ZNF536: variants seen among roughly 807,000 people sequenced by gnomAD.
The protein encoded by ZNF536 is zinc finger protein 536.
Under a neutral mutation model 84.5 loss-of-function variants are expected in ZNF536, and 13 were observed. The observed-to-expected ratio is 0.15, with a 90% CI of 0.10 to 0.24. The LOEUF (loss-of-function observed/expected upper bound fraction) is 0.24, where lower values mean the gene tolerates loss of function less well. Ranked by LOEUF, ZNF536 falls within the 10% of genes least tolerant of loss-of-function variation. The pLI, the probability that ZNF536 is intolerant of heterozygous loss-of-function variation, is 1.00. For synonymous variants in ZNF536, 811 were observed against 742.5 expected, an observed-to-expected ratio of 1.09 and a Z score of -1.50; for missense variants, 1,536 against 1,747.5, an observed-to-expected ratio of 0.88 and a Z score of 2.16.
intron 2 of ZNF536, among the ~76,000 whole-genome samples, chr19:30,500,880 A>G (rs1599602968): frequency 2.0e-5 from 3 of 152,350 alleles, no homozygotes; most frequent in South Asian, 4.1e-4. Context: ...TTTCTCATTC[A>G]GACCCATGCT....
At chr19:30,625,568 T>G (rs2048644996) in intron 1 of ZNF536, among the ~76,000 whole-genome samples, 1 of 152,252 alleles carries the variant, frequency 6.6e-6, no homozygotes, top group South Asian at 2.1e-4. Flanking sequence ...GCATCCACCT[T>G]GCAGGTGAAG....
chr19:30,321,973 C>T (rs1305724393), intron 2 of ZNF536, among the ~76,000 whole-genome samples: 1 of 152,094 alleles, frequency 6.6e-6, no homozygotes, highest in African/African-American at 2.4e-5. Context: ...GACAAGGTTT[C>T]ACCAGTTGGC....
intron 1 of ZNF536, among the ~76,000 whole-genome samples, chr19:30,402,360 T>TA (rs1183465816): frequency 1.3e-5 from 2 of 152,180 alleles, no homozygotes; most frequent in African/African-American, 4.8e-5. Context: ...AATTATTTCT[T>TA]ACTTTTCTCT....
chr19:30,640,628 G>A (rs886572907), intron 1 of ZNF536, among the ~76,000 whole-genome samples: 9 of 152,196 alleles, frequency 5.9e-5, no homozygotes, highest in African/African-American at 2.2e-4. Context: ...CTGCAAGGCA[G>A]GGAGGTTTGC....
At chr19:30,418,190 G>T (rs758413058) in intron 1 of ZNF536, among the ~76,000 whole-genome samples, 1 of 151,606 alleles carries the variant, frequency 6.6e-6, no homozygotes, top group Non-Finnish European at 1.5e-5. Context: ...TTTGTTCCCT[G>T]GCCTATTATG....
At chr19:30,620,812 A>C (rs984713429) in intron 1 of ZNF536, among the ~76,000 whole-genome samples, 14 of 152,212 alleles carry the variant, frequency 9.2e-5, no homozygotes, top group Admixed American at 3.9e-4. Flanking sequence ...ATCTGTGTCC[A>C]TGCAGAACTT....
chr19:30,458,464 T>C (rs1178382349), intron 2 of ZNF536, among the ~76,000 whole-genome samples: 1 of 147,394 alleles, frequency 6.8e-6, no homozygotes, highest in Non-Finnish European at 1.5e-5. Flanking sequence ...TTTTTTTTTT[T>C]TTTTTTGACC....
chr19:30,458,744 G>A (rs948856330), intron 2 of ZNF536, among the ~76,000 whole-genome samples: 7 of 152,070 alleles, frequency 4.6e-5, no homozygotes, highest in African/African-American at 1.7e-4. Flanking sequence ...GAGCCACCAC[G>A]CCTGGCTGAT....
chr19:30,439,340 TG>T (rs1259767497), intron 1 of ZNF536, among the ~76,000 whole-genome samples: 1 of 152,206 alleles, frequency 6.6e-6, no homozygotes, highest in African/African-American at 2.4e-5. Flanking sequence ...GGAAGGTCCC[TG>T]GCAAATATTG....
chr19:30,490,992 C>T (rs1018076747), intron 2 of ZNF536, among the ~76,000 whole-genome samples: 5 of 152,012 alleles, frequency 3.3e-5, no homozygotes, highest in African/African-American at 9.7e-5. Context: ...ACCCGGGACC[C>T]AGGTTAGGAG....
intron 1 of ZNF536, among the ~76,000 whole-genome samples, chr19:30,267,273 G>A (rs926344049): frequency 2.8e-4 from 43 of 152,254 alleles, no homozygotes; most frequent in Non-Finnish European, 6.0e-4. Flanking sequence ...TGTTATTAGA[G>A]ATACATAATT....
At chr19:30,555,548 C>T (rs1011568604) in intron 4 of ZNF536, 1 of 152,128 alleles carries the variant, frequency 6.6e-6, no homozygotes, top group Non-Finnish European at 1.5e-5. Flanking sequence ...TTTCTGTGTC[C>T]ACTCCATTCT....
intron 1 of ZNF536, among the ~76,000 whole-genome samples, chr19:30,264,361 TC>T (rs995502051): frequency 1.4e-4 from 20 of 143,142 alleles, no homozygotes; most frequent in South Asian, 2.3e-4. Flanking sequence ...CCTCCCCTGA[TC>T]CCCCCAGGCC....
intron 2 of ZNF536, among the ~76,000 whole-genome samples, chr19:30,476,686 GGA>G (rs1171212698): frequency 6.6e-6 from 1 of 152,202 alleles, no homozygotes; most frequent in Non-Finnish European, 1.5e-5. Context: ...GAAGCTGCTG[GGA>G]AATAGACTGC....
chr19:30,255,467 T>C (rs1308380158), intron 1 of ZNF536, among the ~76,000 whole-genome samples: 1 of 152,146 alleles, frequency 6.6e-6, no homozygotes, highest in African/African-American at 2.4e-5. Flanking sequence ...GCATTAGGTT[T>C]GGGGGTCCAC....
intron 1 of ZNF536, among the ~76,000 whole-genome samples, chr19:30,586,339 G>T (rs554671842): frequency 6.6e-6 from 1 of 152,350 alleles, no homozygotes; most frequent in African/African-American, 2.4e-5. Flanking sequence ...AGCATGCGCT[G>T]GTTAGTGAGA....
At chr19:30,700,060 C>T (rs1021955377) in intron 1 of ZNF536, among the ~76,000 whole-genome samples, 9 of 144,360 alleles carry the variant, frequency 6.2e-5, no homozygotes, top group African/African-American at 1.8e-4. Context: ...TCCCTCCCTC[C>T]GCCTCCCTCC....
intron 1 of ZNF536, among the ~76,000 whole-genome samples, chr19:30,415,020 TTTC>T (rs1254206009): frequency 2.6e-5 from 4 of 152,034 alleles, no homozygotes; most frequent in East Asian, 1.9e-4. Context: ...TCCTCTTCTT[TTTC>T]TTCTTCTTTT....
chr19:30,490,212 G>A (rs2054454991), intron 2 of ZNF536, among the ~76,000 whole-genome samples: 1 of 152,056 alleles, frequency 6.6e-6, no homozygotes. Context: ...CAGTTTTGTT[G>A]TTGAATAAAC....
Sources: allele counts gnomAD v4.1 joint callset (sites outside exome capture counted in the v4.1 genomes callset), GRCh38; gene constraint gnomAD v4.1.1; transcripts MANE v1.5; gene names NCBI Gene and HGNC (gene_info 2026-07-23, HGNC 2026-07-21).